SLC2A9: variants seen among roughly 807,000 people sequenced by gnomAD.
SLC2A9 encodes solute carrier family 2 member 9, also known as solute carrier family 2, facilitated glucose transporter member 9.
SLC2A9 carries 39 observed loss-of-function variants against 50.6 expected under a neutral mutation model. The observed-to-expected ratio is 0.77, with a 90% CI of 0.60 to 1.01. SLC2A9 has a LOEUF of 1.01. Among genes scored for constraint, SLC2A9 ranks in the 50% least tolerant of loss-of-function variants. The pLI is 0.00. For missense variants in SLC2A9, 686 were observed against 677.6 expected (o/e 1.01, Z -0.14); for synonymous variants, 324 against 276.9 (o/e 1.17, Z -1.69).
downstream of SLC2A9, among the ~76,000 whole-genome samples, chr4:9,822,349 T>G (rs1724520454): frequency 6.6e-6 from 1 of 152,190 alleles, no homozygotes; most frequent in South Asian, 2.1e-4. Context: ...TTGAATAGTT[T>G]GCTTTTATTT....
intron 7 of SLC2A9, among the ~76,000 whole-genome samples, chr4:9,918,508 C>G (rs1183741692): frequency 6.6e-6 from 1 of 152,208 alleles, no homozygotes; most frequent in African/African-American, 2.4e-5. Flanking sequence ...TGAGGGGGAC[C>G]TTGGGGCCAG....
intron 10 of SLC2A9, among the ~76,000 whole-genome samples, chr4:9,864,411 G>T (rs1357106460): frequency 1.3e-5 from 2 of 152,170 alleles, no homozygotes; most frequent in Non-Finnish European, 2.9e-5. Flanking sequence ...GCTCTCCAAG[G>T]GCGATTCCAT....
intron 10 of SLC2A9, among the ~76,000 whole-genome samples, chr4:9,865,132 C>A (rs536769853): frequency 2.2e-4 from 33 of 152,366 alleles, no homozygotes; most frequent in African/African-American, 7.0e-4. Context: ...CAGGTTAGAA[C>A]AGCGGTTCAT....
intron 3 of SLC2A9, among the ~76,000 whole-genome samples, chr4:9,786,596 G>C (rs1719251542): frequency 1.3e-5 from 2 of 152,162 alleles, no homozygotes; most frequent in South Asian, 2.1e-4. Flanking sequence ...TTACATGATG[G>C]ACCAAATGCT....
upstream of SLC2A9, among the ~76,000 whole-genome samples, chr4:10,023,648 G>GCT (rs1763657643): frequency 6.6e-6 from 1 of 152,230 alleles, no homozygotes; most frequent in Non-Finnish European, 1.5e-5. Context: ...CCAGATGGTA[G>GCT]CTAACCAGGG....
intron 10 of SLC2A9, among the ~76,000 whole-genome samples, chr4:9,877,173 T>C (rs1734440765): frequency 6.6e-6 from 1 of 152,202 alleles, no homozygotes; most frequent in African/African-American, 2.4e-5. Flanking sequence ...CTTAAGGTAA[T>C]TGGGGTGAGG....
At chr4:9,801,554 G>A (rs1721406613) in intron 3 of SLC2A9, among the ~76,000 whole-genome samples, 1 of 152,214 alleles carries the variant, frequency 6.6e-6, no homozygotes, top group Non-Finnish European at 1.5e-5. Flanking sequence ...AACCCAGTGA[G>A]TCTCATCCCC....
chr4:9,785,336 T>A (rs1390671805), intron 3 of SLC2A9, among the ~76,000 whole-genome samples: 1 of 152,240 alleles, frequency 6.6e-6, no homozygotes, highest in African/African-American at 2.4e-5. Context: ...AACACCTGTT[T>A]TCTCGATAGG....
chr4:9,845,987 T>C (rs1728927682), intron 10 of SLC2A9, among the ~76,000 whole-genome samples: 1 of 152,234 alleles, frequency 6.6e-6, no homozygotes, highest in African/African-American at 2.4e-5. Context: ...TGTCAAGTCC[T>C]GTGCTAGGCA....
intron 8 of SLC2A9, among the ~76,000 whole-genome samples, chr4:9,897,619 A>G (rs1350258088): frequency 6.6e-6 from 1 of 152,094 alleles, no homozygotes; most frequent in African/African-American, 2.4e-5. Flanking sequence ...ACAGACACGC[A>G]CACAGGCCTG....
At chr4:9,927,366 C>G (rs1373415862) in intron 6 of SLC2A9, among the ~76,000 whole-genome samples, 1 of 152,236 alleles carries the variant, frequency 6.6e-6, no homozygotes, top group African/African-American at 2.4e-5. Context: ...GTTATGGCAG[C>G]AGCCACACTT....
chr4:10,038,401 C>A (rs558129336), intron 1 of SLC2A9, among the ~76,000 whole-genome samples: 1 of 146,594 alleles, frequency 6.8e-6, no homozygotes, highest in Admixed American at 7.0e-5. Context: ...AAGCTACTAG[C>A]GAGGCTGAGG....
intron 6 of SLC2A9, among the ~76,000 whole-genome samples, chr4:9,920,970 A>G (rs1292016853): frequency 6.6e-6 from 1 of 152,194 alleles, no homozygotes; most frequent in South Asian, 2.1e-4. Context: ...ACATTCAACC[A>G]TGGCTCGGAG....
chr4:9,942,964 C>T (rs1456817625), intron 5 of SLC2A9, among the ~76,000 whole-genome samples: 1 of 152,184 alleles, frequency 6.6e-6, no homozygotes, highest in Non-Finnish European at 1.5e-5. Flanking sequence ...CACACTCAGA[C>T]CTGAAAAGAC....
intron 2 of SLC2A9, among the ~76,000 whole-genome samples, chr4:10,001,421 T>G (rs1406813899): frequency 6.6e-6 from 1 of 152,180 alleles, no homozygotes; most frequent in Non-Finnish European, 1.5e-5. Flanking sequence ...AACTGAGCCT[T>G]CCTTCAAAGC....
intron 10 of SLC2A9, among the ~76,000 whole-genome samples, chr4:9,860,808 C>A (rs969605511): frequency 2.6e-5 from 4 of 152,238 alleles, no homozygotes; most frequent in African/African-American, 9.6e-5. Context: ...CTCCCTGAAG[C>A]CTGAGGCTGG....
chr4:9,879,360 G>GTA, intron 10 of SLC2A9: 1 of 980,624 alleles, frequency 1.0e-6, no homozygotes, highest in Non-Finnish European at 1.2e-6. Context: ...AAGCGTGTGT[G>GTA]TGTGTGTGTA....
At chr4:9,996,563 C>G (rs892535886) in intron 3 of SLC2A9, among the ~76,000 whole-genome samples, 1 of 149,316 alleles carries the variant, frequency 6.7e-6, no homozygotes, top group African/African-American at 2.4e-5. Context: ...CAGCCCAGTC[C>G]CTATACGCTT....
intron 4 of SLC2A9, 48 bp from the exon 5 acceptor site, chr4:9,980,785 G>C: frequency 6.2e-7 from 1 of 1,613,460 alleles, no homozygotes; most frequent in Non-Finnish European, 8.5e-7. Context: ...CTTCCCGGGG[G>C]AGCTGCACTC....
Sources: gnomAD v4.1 joint callset for allele counts (sites outside exome capture counted in the v4.1 genomes callset) on GRCh38, gnomAD v4.1.1 for gene constraint, MANE v1.5 for transcripts, NCBI Gene and HGNC (gene_info 2026-07-23, HGNC 2026-07-21) for gene names.